RGPD2: variants seen among roughly 807,000 people sequenced by gnomAD.
RGPD2 encodes RANBP2 like and GRIP domain containing 2, also known as RANBP2-like and GRIP domain-containing protein 2.
Under a neutral mutation model 36.0 loss-of-function variants are expected in RGPD2, and 2 were observed. The ratio of observed to expected loss-of-function variants is 0.06; its 90% CI spans 0.02 to 0.17. The LOEUF (loss-of-function observed/expected upper bound fraction) is 0.17. Ranked by LOEUF, RGPD2 falls within the 10% of genes least tolerant of loss-of-function variation. The pLI, the probability that RGPD2 is intolerant of heterozygous loss-of-function variation, is 1.00. For synonymous variants in RGPD2, 19 were observed against 163.8 expected (o/e 0.12, Z 6.75); for missense variants, 40 against 464.3 (o/e 0.09, Z 8.40).
At chr2:87,911,459 G>C in the RGPD2 span, among the ~76,000 whole-genome samples, 1 of 151,404 alleles carries the variant, frequency 6.6e-6, no homozygotes, top group African/African-American at 2.4e-5. Flanking sequence ...AATATTTCCT[G>C]TTATTAATAA....
At chr2:87,951,995 C>A in the RGPD2 span, among the ~76,000 whole-genome samples, 2 of 151,946 alleles carry the variant, frequency 1.3e-5, no homozygotes, top group African/African-American at 4.8e-5. Flanking sequence ...AATTGCCTAC[C>A]CACTTGTATA....
At chr2:87,805,732 C>A (rs1288912575) in intron 7 of RGPD2, among the ~76,000 whole-genome samples, 1 of 151,736 alleles carries the variant, frequency 6.6e-6, no homozygotes, top group Non-Finnish European at 1.5e-5. Flanking sequence ...TGGTGGTGGG[C>A]GCTTGTAGTT....
chr2:87,962,137 A>G, the RGPD2 span, among the ~76,000 whole-genome samples: 2,042 of 148,358 alleles, frequency 0.014, 42 homozygotes, highest in African/African-American at 0.049. Context: ...AAAGATTTTC[A>G]GCCGTCTGTA....
chr2:87,864,037 A>G, the RGPD2 span, among the ~76,000 whole-genome samples: 1 of 152,016 alleles, frequency 6.6e-6, no homozygotes, highest in East Asian at 1.9e-4. Flanking sequence ...CCAGTTGACA[A>G]GGGGTCTTCT....
the RGPD2 span, among the ~76,000 whole-genome samples, chr2:87,970,320 CG>C: frequency 6.6e-6 from 1 of 151,144 alleles, no homozygotes; most frequent in African/African-American, 2.4e-5. Flanking sequence ...TATACATACA[CG>C]TATATATAAA....
chr2:87,865,426 C>T, the RGPD2 span, among the ~76,000 whole-genome samples: 1 of 152,282 alleles, frequency 6.6e-6, no homozygotes, highest in Non-Finnish European at 1.5e-5. Flanking sequence ...TAGACTTCTG[C>T]TTTGACACTG....
At chr2:87,971,866 C>A in the RGPD2 span, among the ~76,000 whole-genome samples, 1 of 152,002 alleles carries the variant, frequency 6.6e-6, no homozygotes, top group Non-Finnish European at 1.5e-5. Flanking sequence ...TAATAATAAT[C>A]TGCTGAAATC....
the RGPD2 span, among the ~76,000 whole-genome samples, chr2:87,983,940 T>C: frequency 6.6e-6 from 1 of 152,232 alleles, no homozygotes; most frequent in East Asian, 1.9e-4. Context: ...TGGCATCTTA[T>C]AAGCCTATGG....
At chr2:87,965,281 G>A in the RGPD2 span, among the ~76,000 whole-genome samples, 1 of 137,396 alleles carries the variant, frequency 7.3e-6, no homozygotes, top group Non-Finnish European at 1.6e-5. Context: ...TTAGTTTGCA[G>A]AAACTTAGCT....
the RGPD2 span, among the ~76,000 whole-genome samples, chr2:87,877,804 CAAAAAAAAAAAAAAAAAAAAAA>C: frequency 8.5e-4 from 72 of 84,356 alleles, no homozygotes; most frequent in Non-Finnish European, 1.0e-3. Context: ...GACTCCGTCT[CAAAAAAAAAAAAAAAAAAAAAA>C]AAAAAAAAAG....
the RGPD2 span, among the ~76,000 whole-genome samples, chr2:87,929,481 G>A: frequency 7.3e-6 from 1 of 136,730 alleles, no homozygotes; most frequent in Non-Finnish European, 1.6e-5. Flanking sequence ...TTTTTTGTGT[G>A]TGTGTATGTG....
At chr2:87,964,468 T>C in the RGPD2 span, among the ~76,000 whole-genome samples, 36 of 152,238 alleles carry the variant, frequency 2.4e-4, no homozygotes, top group African/African-American at 7.9e-4. Flanking sequence ...TTTATTGTAC[T>C]TCACAGATAC....
chr2:87,825,526 CGAG>C (rs1686733699), intron 1 of RGPD2, 129 bp downstream of exon 1: 2 of 405,430 alleles, frequency 4.9e-6, no homozygotes, highest in African/African-American at 1.5e-4. Flanking sequence ...GCCGCCCGGC[CGAG>C]GCCGAGGCCG....
the RGPD2 span, among the ~76,000 whole-genome samples, chr2:87,939,472 G>C: frequency 6.6e-6 from 1 of 151,908 alleles, no homozygotes; most frequent in Non-Finnish European, 1.5e-5. Context: ...TCAGGGTCAC[G>C]TGTTGTCCCT....
chr2:87,988,541 A>ATATAT, the RGPD2 span, among the ~76,000 whole-genome samples: 285 of 54,158 alleles, frequency 5.3e-3, 14 homozygotes, highest in Middle Eastern at 0.012. Context: ...ATATATATAT[A>ATATAT]TTTTTTTTTT....
the RGPD2 span, among the ~76,000 whole-genome samples, chr2:87,843,686 A>C: frequency 6.6e-6 from 1 of 152,148 alleles, no homozygotes; most frequent in South Asian, 2.1e-4. Flanking sequence ...TAGAAATACC[A>C]TTTAACCCAG....
At chr2:87,854,074 G>A in the RGPD2 span, among the ~76,000 whole-genome samples, 1 of 150,090 alleles carries the variant, frequency 6.7e-6, no homozygotes, top group Non-Finnish European at 1.5e-5. Flanking sequence ...ACCTTCCAAT[G>A]AGCCTAACTT....
chr2:87,854,970 T>C, the RGPD2 span, among the ~76,000 whole-genome samples: 1 of 152,156 alleles, frequency 6.6e-6, no homozygotes. Flanking sequence ...AATCAACACT[T>C]CCATAACCAC....
the RGPD2 span, among the ~76,000 whole-genome samples, chr2:87,873,020 A>G: frequency 1.3e-5 from 2 of 152,282 alleles, no homozygotes; most frequent in African/African-American, 4.8e-5. Context: ...AGCTTCCCAA[A>G]GTGCTAGGAT....
Sources: gnomAD v4.1 joint callset for allele counts (sites outside exome capture counted in the v4.1 genomes callset) on GRCh38, gnomAD v4.1.1 for gene constraint, MANE v1.5 for transcripts, NCBI Gene and HGNC (gene_info 2026-07-23, HGNC 2026-07-21) for gene names.